Variants in ARL10 observed in about 807,000 individuals in gnomAD.
The protein encoded by ARL10 is ADP-ribosylation factor-like protein 10.
Under a neutral mutation model 26.1 loss-of-function variants are expected in ARL10, and 23 were observed. That is an observed-to-expected ratio of 0.88 (90% CI 0.63 to 1.25). The LOEUF (loss-of-function observed/expected upper bound fraction) is 1.25. Ranked by LOEUF, ARL10 falls within the 50% of genes most tolerant of loss-of-function variation. ARL10 has a pLI of 0.00. For synonymous variants in ARL10, 138 were observed against 149.1 expected (o/e 0.93, Z 0.54); for missense variants, 300 against 323.6 (o/e 0.93, Z 0.56).
chr5:176,396,567 G>C (rs1756533712), intron 1 of ARL10: 1 of 1,564,282 alleles, frequency 6.4e-7, no homozygotes, highest in African/African-American at 1.4e-5. Context: ...GGTTAGGTGG[G>C]GGAAGGCAGA....
the ARL10 span, among the ~76,000 whole-genome samples, chr5:176,412,020 C>CA: frequency 2.6e-4 from 39 of 151,782 alleles, no homozygotes; most frequent in African/African-American, 8.5e-4. Context: ...ACTAAAAATA[C>CA]AAAAAATTAG....
intron 1 of ARL10, chr5:176,397,509 A>T: frequency 1.1e-5 from 1 of 89,386 alleles, no homozygotes; most frequent in Non-Finnish European, 1.7e-5. Context: ...CCACCCCTTC[A>T]TGTCCCCATG....
downstream of ARL10, among the ~76,000 whole-genome samples, chr5:176,405,239 C>T (rs1351693252): frequency 6.6e-6 from 1 of 152,116 alleles, no homozygotes; most frequent in African/African-American, 2.4e-5. Context: ...CCTGTAATCC[C>T]AGCACTTTGG....
chr5:176,390,048 GTT>G (rs1374564446), downstream of ARL10, among the ~76,000 whole-genome samples: 2 of 151,980 alleles, frequency 1.3e-5, no homozygotes, highest in Non-Finnish European at 2.9e-5. Flanking sequence ...TGGGCGTGGT[GTT>G]GCGTGCCTGT....
At chr5:176,399,665 G>A (rs766503466) in intron 1 of ARL10, among the ~76,000 whole-genome samples, 3 of 151,820 alleles carry the variant, frequency 2.0e-5, no homozygotes, top group African/African-American at 7.3e-5. Context: ...AGGCCGAAGC[G>A]GGCAGATCAC....
In ARL10 at chr5:176,365,644, C is replaced by A; in HGVS notation, c.81C>A (p.Leu27=). 8.0e-7 allele frequency: 1 copy of A among 1,257,508 alleles called. No homozygotes were observed. The highest frequency in any genetic ancestry group is 1.5e-5 in the African/African-American group (1 of 64,650). The allele number at this position is 1,257,508 out of a possible 1,614,324, so 77.9% of individuals were successfully genotyped here. The change falls in exon 1 of 4, where the codon CTC becomes CTA. Residue 27 remains leucine, a synonymous_variant. Coordinates refer to ENST00000310389, the MANE Select transcript of ARL10 (RefSeq NM_173664.6). ...TGCTGGGCTCGGTGCTCTTCATCCT[C>A]TGGAAGACCTACTTCGGCCGCGGCC... ...AAVLGSVLFI[L]WKTYFGRGRE...
intron 1 of ARL10, chr5:176,397,707 T>C (rs1286088534): frequency 6.2e-7 from 1 of 1,613,852 alleles, no homozygotes; most frequent in Non-Finnish European, 8.5e-7. Context: ...TCCGTGACCT[T>C]AGATGCAGCA....
downstream of ARL10, among the ~76,000 whole-genome samples, chr5:176,391,411 T>C (rs1756258750): frequency 6.6e-6 from 1 of 152,108 alleles, no homozygotes; most frequent in South Asian, 2.1e-4. Context: ...CCCAGGAGTT[T>C]GCCCAGCCTG....
downstream of ARL10, among the ~76,000 whole-genome samples, chr5:176,390,640 T>G (rs1756235821): frequency 1.3e-5 from 2 of 151,944 alleles, no homozygotes; most frequent in African/African-American, 4.8e-5. Context: ...AACAACATGG[T>G]TTCACCATGT....
intron 1 of ARL10, among the ~76,000 whole-genome samples, chr5:176,394,584 A>T (rs542676272): frequency 1.3e-5 from 2 of 149,834 alleles, no homozygotes; most frequent in Non-Finnish European, 2.9e-5. Context: ...TTGGGAGGCC[A>T]AGGTGGGCGG....
the ARL10 span, among the ~76,000 whole-genome samples, chr5:176,410,562 T>C: frequency 6.6e-6 from 1 of 152,200 alleles, no homozygotes; most frequent in Non-Finnish European, 1.5e-5. Flanking sequence ...ATTTTACAGA[T>C]ACTCAAGCTG....
downstream of ARL10, among the ~76,000 whole-genome samples, chr5:176,402,040 C>T (rs1225830958): frequency 2.0e-5 from 3 of 152,182 alleles, no homozygotes; most frequent in African/African-American, 4.8e-5. Context: ...CGGTGGCTCG[C>T]GCCTATAATC....
At chr5:176,386,401 T>TGGA (rs1012265179), downstream of ARL10, 54 of 252,254 alleles carry the variant, frequency 2.1e-4, no homozygotes, top group African/African-American at 1.0e-3. Context: ...AATTCTAGAG[T>TGGA]ATTCCCACTT....
chr5:176,366,645 G>C, intron 2 of ARL10, 64 bp downstream of exon 2: 1 of 1,569,958 alleles, frequency 6.4e-7, no homozygotes. Context: ...ATTCTCTGCA[G>C]GGAAGGGGGC....
At chr5:176,392,513 C>G, downstream of ARL10, 2 of 489,454 alleles carry the variant, frequency 4.1e-6, no homozygotes, top group East Asian at 3.1e-5. The surrounding 1 kb of genome is among the most constrained non-coding windows in gnomAD (Gnocchi z 5.2). Flanking sequence ...AACAACACAC[C>G]CTTTAAGCCA....
downstream of ARL10, among the ~76,000 whole-genome samples, chr5:176,390,182 CAAA>C (rs60632467): frequency 1.1e-3 from 75 of 65,218 alleles, no homozygotes; most frequent in African/African-American, 1.8e-3. Flanking sequence ...AACTCCATCT[CAAA>C]AAAAAAAAAA....
In ARL10 at chr5:176,380,859, G is replaced by A. The variant is rs192941777; in HGVS notation, c.*8964G>A. The A allele has an allele frequency of 3.4e-3, 520 of 152,228 alleles. 3 individuals carry two copies. The highest frequency in any genetic ancestry group is 0.012 in the African/African-American group (502 of 41,496). 9.4% of individuals were successfully genotyped at this position (152,228 alleles called of 1,614,324 possible). On this transcript the variant is annotated 3_prime_UTR_variant, in exon 4 of 4. Coordinates refer to ENST00000310389, the MANE Select transcript of ARL10 (RefSeq NM_173664.6). ...CGGCTTACTGCAACCTCTGCCTCCA[G>A]GGCACAAGAGATTTTGCCACCTCAG... is the stretch of plus-strand genomic sequence containing the variant.
intron 3 of ARL10, among the ~76,000 whole-genome samples, chr5:176,371,363 A>G (rs1488974084): frequency 6.6e-6 from 1 of 152,238 alleles, no homozygotes; most frequent in African/African-American, 2.4e-5. Context: ...AGCCTGGGTG[A>G]CAGAGCAAAA....
At chr5:176,389,537 C>T, downstream of ARL10, 2 of 1,576,278 alleles carry the variant, frequency 1.3e-6, no homozygotes, top group South Asian at 1.2e-5. Context: ...GAAATGATTC[C>T]AAAACCCAGG....
Sources: gnomAD v4.1 joint callset for allele counts (sites outside exome capture counted in the v4.1 genomes callset) on GRCh38, gnomAD v4.1.1 for gene constraint, Gnocchi (gnomAD v3.1) non-coding constraint, MANE v1.5 for transcripts, NCBI Gene and HGNC (gene_info 2026-07-23, HGNC 2026-07-21) for gene names.